GPCPD1: variants seen among roughly 807,000 people sequenced by gnomAD.
GPCPD1 encodes glycerophosphocholine phosphodiesterase GPCPD1.
In GPCPD1, 29 loss-of-function variants were observed where a neutral mutation model predicts 89.2. The observed-to-expected ratio is 0.33, with a 90% CI of 0.24 to 0.44. The LOEUF is 0.44. Ranked by LOEUF, GPCPD1 falls within the 20% of genes least tolerant of loss-of-function variation. The probability of loss-of-function intolerance (pLI) is 1.00; values close to 1 mark genes in which losing one functional copy is unlikely to be tolerated. For missense variants in GPCPD1, 594 were observed against 808.9 expected, an observed-to-expected ratio of 0.73 and a Z score of 3.22; for synonymous variants, 258 against 266.3, an observed-to-expected ratio of 0.97 and a Z score of 0.30.
At chr20:5,564,354 C>T (rs1986255450) in intron 15 of GPCPD1, among the ~76,000 whole-genome samples, 2 of 151,700 alleles carry the variant, frequency 1.3e-5, no homozygotes, top group East Asian at 3.8e-4. Context: ...AAAACTGCCT[C>T]TCCCACCATC....
intron 19 of GPCPD1, among the ~76,000 whole-genome samples, chr20:5,553,040 A>G (rs928437203): frequency 6.6e-6 from 1 of 152,116 alleles, no homozygotes; most frequent in Non-Finnish European, 1.5e-5. Flanking sequence ...AAGTGCTGGG[A>G]TTACAGGCAT....
intron 3 of GPCPD1, among the ~76,000 whole-genome samples, chr20:5,594,935 T>C (rs900809961): frequency 6.6e-6 from 1 of 152,246 alleles, no homozygotes; most frequent in African/African-American, 2.4e-5. Context: ...TTTTTTGTTA[T>C]TATTATATCT....
intron 3 of GPCPD1, among the ~76,000 whole-genome samples, chr20:5,595,559 T>G (rs1243739280): frequency 6.6e-6 from 1 of 152,118 alleles, no homozygotes; most frequent in Non-Finnish European, 1.5e-5. Flanking sequence ...GCGAATCACT[T>G]GAACCTGGGA....
intron 19 of GPCPD1, among the ~76,000 whole-genome samples, chr20:5,553,685 C>CT (rs1985566646): frequency 6.6e-6 from 1 of 152,130 alleles, no homozygotes; most frequent in Non-Finnish European, 1.5e-5. Flanking sequence ...TTTTAATGGC[C>CT]TGGATAGAAG....
chr20:5,550,655 G>A (rs940978214), intron 19 of GPCPD1, among the ~76,000 whole-genome samples: 3 of 152,236 alleles, frequency 2.0e-5, no homozygotes, highest in Non-Finnish European at 4.4e-5. Context: ...GAATGGTAAA[G>A]ATGATGGAGA....
At chr20:5,551,832 G>C (rs1985428722) in intron 19 of GPCPD1, among the ~76,000 whole-genome samples, 1 of 152,090 alleles carries the variant, frequency 6.6e-6, no homozygotes, top group Non-Finnish European at 1.5e-5. Flanking sequence ...CAAAATACCA[G>C]AAAATGATAT....
chr20:5,570,448 C>G (rs1037894062), intron 11 of GPCPD1, among the ~76,000 whole-genome samples: 1 of 73,320 alleles, frequency 1.4e-5, no homozygotes, highest in Non-Finnish European at 2.8e-5. Context: ...AAAAAAAAAA[C>G]GGACACAGAT....
At chr20:5,603,092 A>C (rs752414373) in intron 2 of GPCPD1, among the ~76,000 whole-genome samples, 14 of 151,918 alleles carry the variant, frequency 9.2e-5, no homozygotes, top group Non-Finnish European at 1.9e-4. Context: ...CAGAAGTTTG[A>C]GACCAGACTG....
intron 7 of GPCPD1, 23 bp from the exon 8 acceptor site, chr20:5,578,634 A>G (rs781778391): frequency 7.0e-7 from 1 of 1,432,296 alleles, no homozygotes; most frequent in Admixed American, 1.7e-5. Context: ...CAAAATAATG[A>G]GATGCAAGAA....
intron 19 of GPCPD1, among the ~76,000 whole-genome samples, 194 bp downstream of exon 19, chr20:5,557,751 T>C (rs1247987563): frequency 6.6e-6 from 1 of 152,230 alleles, no homozygotes; most frequent in Non-Finnish European, 1.5e-5. Context: ...GGCCCAGTCA[T>C]TTGAATCCTT....
chr20:5,580,101 A>G lies in GPCPD1; in HGVS notation c.380T>C (p.Leu127Pro). ...TAATCTTATTTCAGTCTGACATGTC[A>G]GCCATCCAGAATCCAGAGTTTCAAC... Reference protein sequence around the residue: ...NGVETLDSGWLTCQTEIRLRL... With the variant: ...NGVETLDSGWPTCQTEIRLRL... Residue 127 changes from leucine (L) to proline (P), a missense_variant, in exon 7 of 20, where the codon CTG becomes CCG. By Grantham distance (98) the Leu-to-Pro change is moderately conservative (BLOSUM62 -3). Transcript: ENST00000379019. 6.7e-7 allele frequency: 1 copy of G among 1,498,236 alleles called. No homozygotes were observed. Among genetic ancestry groups the G allele is most frequent in the Non-Finnish European group, 9.3e-7 (1 of 1,075,562 alleles). The allele number at this position is 1,498,236 out of a possible 1,614,324, so 92.8% of individuals were successfully genotyped here.
rs547625250 is a variant in GPCPD1 at position 5,610,358 on chromosome 20, G to A, written c.-29+484C>T. Among the ~76,000 whole-genome samples the A allele has an allele frequency of 1.7e-4, 26 of 152,300 alleles. No individual in the cohort carries two copies. The South Asian group carries it at 5.2e-3, about 30-fold the overall frequency. ...TATACAAGCATGCCCTAGACTACGT[G>A]TCCGGGCAATTTCAGAAAATAAGCA... On this transcript the variant is annotated intron_variant, in intron 1 of 19. Coordinates refer to ENST00000379019, the MANE Select transcript of GPCPD1 (RefSeq NM_019593.5).
At chr20:5,574,068 T>TTATA (rs1266985552) in intron 10 of GPCPD1, 99 bp from the exon 11 acceptor site, 2 of 753,788 alleles carry the variant, frequency 2.7e-6, no homozygotes, top group Admixed American at 4.6e-5. Context: ...GAAATGGTAC[T>TTATA]TATTCTGTAT....
At chr20:5,593,446 A>G (rs1488440069) in intron 3 of GPCPD1, 35 bp from the exon 4 acceptor site, 1 of 1,082,652 alleles carries the variant, frequency 9.2e-7, no homozygotes. Flanking sequence ...AGCAGCATCA[A>G]TATCAAACTA....
intron 8 of GPCPD1, among the ~76,000 whole-genome samples, chr20:5,578,014 T>TTG (rs1978301973): frequency 6.6e-6 from 1 of 152,232 alleles, no homozygotes; most frequent in Admixed American, 6.5e-5. Flanking sequence ...GCTTCCATCA[T>TTG]AGTGAGAACT....
chr20:5,595,809 G>GT (rs386393193), intron 3 of GPCPD1, among the ~76,000 whole-genome samples: 1 of 151,746 alleles, frequency 6.6e-6, no homozygotes, highest in African/African-American at 2.4e-5. Flanking sequence ...GAAAAAAAGG[G>GT]GGGGGGACAA....
rs1049009026 is a variant in GPCPD1 at position 5,544,565 on chromosome 20, A to G, written c.*3096T>C. 6.6e-6 allele frequency: 1 copy of G among 152,262 alleles called. No homozygotes were observed. Among genetic ancestry groups the G allele is most frequent in the Non-Finnish European group, 1.5e-5 (1 of 68,052 alleles). 9.4% of individuals were successfully genotyped at this position (152,262 alleles called of 1,614,324 possible). ...TCTTACTGGAGAATATAACAGGCAC[A>G]TAAGAAGCTGGACTACAAGGAAGCA... On this transcript the variant is annotated 3_prime_UTR_variant, in exon 20 of 20. Transcript: ENST00000379019.
intron 12 of GPCPD1, 49 bp downstream of exon 12, chr20:5,570,098 A>G: frequency 1.2e-6 from 1 of 811,292 alleles, no homozygotes; most frequent in South Asian, 1.6e-5. Context: ...CTAGTTTTTA[A>G]ACCTTTTACT....
At chr20:5,559,824 T>C (rs1985988883) in intron 17 of GPCPD1, 116 bp downstream of exon 17, 6 of 560,650 alleles carry the variant, frequency 1.1e-5, no homozygotes, top group African/African-American at 2.0e-5. Context: ...CAACCTGACA[T>C]GATTTCAGAG....
Sources: gnomAD v4.1 joint callset for allele counts (sites outside exome capture counted in the v4.1 genomes callset) on GRCh38, gnomAD v4.1.1 for gene constraint, MANE v1.5 for transcripts, NCBI Gene and HGNC (gene_info 2026-07-23, HGNC 2026-07-21) for gene names.